Variants in FHIT observed in about 807,000 individuals in gnomAD.
FHIT encodes the protein bis(5'-adenosyl)-triphosphatase.
A neutral mutation model predicts 17.9 loss-of-function variants in FHIT; 19 were observed. That is an observed-to-expected ratio of 1.06 (90% CI 0.74 to 1.56). The LOEUF is 1.56. FHIT is among the 40% of genes most tolerant of loss of function. The pLI, the probability that FHIT is intolerant of heterozygous loss-of-function variation, is 0.00. For synonymous variants in FHIT, 81 were observed against 69.7 expected (o/e 1.16, Z -0.81); for missense variants, 248 against 189.2 (o/e 1.31, Z -1.82).
chr3:60,630,544 A>G (rs13090450), intron 4 of FHIT, among the ~76,000 whole-genome samples: 61,764 of 151,618 alleles, frequency 0.41, 12,802 homozygotes, highest in East Asian at 0.65. Context: ...CTGTACCACC[A>G]CCACAAGCCT....
chr3:61,020,748 C>G (rs1028517988), intron 3 of FHIT, among the ~76,000 whole-genome samples: 4 of 151,942 alleles, frequency 2.6e-5, no homozygotes, highest in African/African-American at 9.7e-5. Flanking sequence ...CAGTCATGAC[C>G]CGTGGGTGTG....
rs2682947 is a variant in FHIT, at chr3:60,650,336, G to A, written c.-17-113357C>T. Among the ~76,000 whole-genome samples, 3 of 152,106 alleles carry A rather than the reference G, an allele frequency of 2.0e-5. No individual in the cohort carries two copies. The East Asian group carries it at 5.8e-4, about 29-fold the overall frequency. On this transcript the variant is annotated intron_variant, in intron 4 of 9. Coordinates refer to ENST00000492590, the MANE Select transcript of FHIT (RefSeq NM_002012.4). ...CAATGTTGGAGTAAGAGACCTAAGA[G>A]GACCTTAGAGATCACCCCATTCAGC... is the stretch of plus-strand genomic sequence containing the variant.
intron 5 of FHIT, chr3:60,535,693 T>C (rs756760430): frequency 2.0e-5 from 3 of 151,998 alleles, no homozygotes; most frequent in Non-Finnish European, 4.4e-5. Context: ...TACTAGAGTA[T>C]TGCTTATTAG....
At position 60,896,586 on chromosome 3, in the gene FHIT, T is replaced by G. The variant is rs547095505; in HGVS notation, c.-110-74575A>C. 3.3e-5 allele frequency among the ~76,000 whole-genome samples: 5 copies of G among 152,266 alleles called. No individual in the cohort carries two copies. In the East Asian group the frequency reaches 9.7e-4, roughly 29 times the overall value. ...AATAACACAACCAAGAACAAATGTA[T>G]AAAGTTCAAGATTTCTTTCCAGTAC... On this transcript the variant is annotated intron_variant, in intron 3 of 9. Transcript: ENST00000492590.
At chr3:60,287,856 A>T (rs768345842) in intron 5 of FHIT, among the ~76,000 whole-genome samples, 2 of 152,142 alleles carry the variant, frequency 1.3e-5, no homozygotes, top group Non-Finnish European at 2.9e-5. Context: ...TTTACTACTG[A>T]TATGACCTTG....
At chr3:60,598,015 G>A (rs1421161428) in intron 4 of FHIT, among the ~76,000 whole-genome samples, 1 of 152,080 alleles carries the variant, frequency 6.6e-6, no homozygotes, top group African/African-American at 2.4e-5. Context: ...TTGAGGAATT[G>A]GCATTTGAGC....
intron 5 of FHIT, among the ~76,000 whole-genome samples, chr3:60,492,923 C>T (rs2034128836): frequency 6.6e-6 from 1 of 152,172 alleles, no homozygotes; most frequent in African/African-American, 2.4e-5. Context: ...GGGCTTCCTA[C>T]TATGTGCCAG....
intron 7 of FHIT, among the ~76,000 whole-genome samples, chr3:59,992,498 A>C (rs1699327104): frequency 6.6e-6 from 1 of 152,068 alleles, no homozygotes; most frequent in Non-Finnish European, 1.5e-5. Flanking sequence ...TATACCAACA[A>C]CACATCAGGA....
intron 2 of FHIT, among the ~76,000 whole-genome samples, chr3:61,129,028 A>G (rs906864489): frequency 7.2e-5 from 11 of 152,196 alleles, no homozygotes; most frequent in East Asian, 1.9e-4. Context: ...ACTGAATTGT[A>G]TATGTCACGC....
At position 60,119,689 on chromosome 3, in the gene FHIT, C is replaced by A. The variant is rs543697609; in HGVS notation, c.104-105537G>T. Among the ~76,000 whole-genome samples, 110 of 152,246 alleles carry A rather than the reference C, an allele frequency of 7.2e-4. 1 individual carries two copies. Among genetic ancestry groups the A allele is most frequent in the African/African-American group, 2.6e-3 (106 of 41,552 alleles). On this transcript the variant is annotated intron_variant, in intron 5 of 9. Transcript: ENST00000492590. ...TAAACTGTTGGCATATACTTGCCTC[C>A]TATGGTCAGCATCTAACCACTCATT...
intron 1 of FHIT, among the ~76,000 whole-genome samples, chr3:61,211,513 G>A (rs1487199388): frequency 6.6e-6 from 1 of 152,224 alleles, no homozygotes; most frequent in Non-Finnish European, 1.5e-5. Flanking sequence ...AGCATGAACT[G>A]GGTAGAGCCC....
intron 5 of FHIT, among the ~76,000 whole-genome samples, chr3:60,474,768 C>A (rs997590342): frequency 6.6e-6 from 1 of 151,910 alleles, no homozygotes; most frequent in African/African-American, 2.4e-5. Flanking sequence ...GGATTACAGG[C>A]GCCTGCCACC....
At chr3:60,219,266 C>T (rs569272156) in intron 5 of FHIT, among the ~76,000 whole-genome samples, 48 of 152,184 alleles carry the variant, frequency 3.2e-4, no homozygotes, top group African/African-American at 1.1e-3. Flanking sequence ...GAAATACTAA[C>T]GTTCCTAGGC....
chr3:59,753,980 G>A (rs1701063055), intron 8 of FHIT, among the ~76,000 whole-genome samples: 1 of 151,772 alleles, frequency 6.6e-6, no homozygotes, highest in Admixed American at 6.6e-5. Flanking sequence ...TTTAAAAGTT[G>A]ATCCTTTAAA....
intron 5 of FHIT, among the ~76,000 whole-genome samples, chr3:60,089,123 A>G (rs956922538): frequency 1.3e-5 from 2 of 152,194 alleles, no homozygotes; most frequent in African/African-American, 2.4e-5. Context: ...AGCTAGCTGC[A>G]TAATTCCACA....
At chr3:60,958,379 G>C (rs1250179816) in intron 3 of FHIT, among the ~76,000 whole-genome samples, 1 of 152,152 alleles carries the variant, frequency 6.6e-6, no homozygotes, top group African/African-American at 2.4e-5. Flanking sequence ...AAAGAAATGA[G>C]CCTTGGCAAA....
chr3:59,871,314 A>G (rs1346990681), intron 8 of FHIT, among the ~76,000 whole-genome samples: 1 of 152,188 alleles, frequency 6.6e-6, no homozygotes, highest in Non-Finnish European at 1.5e-5. Flanking sequence ...TTTTGATCTT[A>G]TAGATAACCT....
intron 5 of FHIT, among the ~76,000 whole-genome samples, chr3:60,300,491 T>A (rs1014435353): frequency 5.3e-5 from 8 of 152,124 alleles, no homozygotes; most frequent in African/African-American, 1.9e-4. Flanking sequence ...ACTTAAATAT[T>A]CAGGCAGCCC....
At chr3:60,693,503 CTG>C (rs1392471970) in intron 4 of FHIT, among the ~76,000 whole-genome samples, 1 of 152,136 alleles carries the variant, frequency 6.6e-6, no homozygotes, top group African/African-American at 2.4e-5. Context: ...CTGAAAATCC[CTG>C]TGTTTACCCA....
Sources: allele counts gnomAD v4.1 joint callset (sites outside exome capture counted in the v4.1 genomes callset), GRCh38; gene constraint gnomAD v4.1.1; transcripts MANE v1.5; gene names NCBI Gene and HGNC (gene_info 2026-07-23, HGNC 2026-07-21).